NTM: variants seen among roughly 807,000 people sequenced by gnomAD.
NTM encodes neurotrimin, also known as IgLON family member 2.
Under a neutral mutation model 42.1 loss-of-function variants are expected in NTM, and 13 were observed. The observed-to-expected ratio is 0.31, with a 90% CI of 0.20 to 0.49. The LOEUF is 0.49. Ranked by LOEUF, NTM falls within the 20% of genes least tolerant of loss-of-function variation. NTM has a pLI of 0.99. For missense variants in NTM, 373 were observed against 452.8 expected (o/e 0.82, Z 1.60); for synonymous variants, 187 against 179.2 (o/e 1.04, Z -0.35).
chr11:132,302,565 G>A (rs186795577), intron 4 of NTM, among the ~76,000 whole-genome samples: 1 of 152,120 alleles, frequency 6.6e-6, no homozygotes, highest in Admixed American at 6.5e-5. Flanking sequence ...GTTGTTCTGG[G>A]TCTGTCAGCC....
chr11:131,463,258 C>T (rs1565527599), intron 1 of NTM, among the ~76,000 whole-genome samples: 1 of 152,230 alleles, frequency 6.6e-6, no homozygotes, highest in Non-Finnish European at 1.5e-5. Context: ...GCTCCTGGTG[C>T]TGCCTTAAAC....
In NTM at chr11:131,588,518, A is replaced by G. The variant is rs117690981; in HGVS notation, c.82+217630A>G. Reference sequence around the variant, plus strand: ...AATGGGGATATTTACCTTTTGCTATATTTTATAGATGCTGGATCTGGGTAG... The same window carrying G: ...AATGGGGATATTTACCTTTTGCTATGTTTTATAGATGCTGGATCTGGGTAG... On this transcript the variant is annotated intron_variant, in intron 1 of 8. Coordinates refer to ENST00000683400, the MANE Select transcript of NTM (RefSeq NM_001352005.2). 3.8e-3 allele frequency among the ~76,000 whole-genome samples: 573 copies of G among 152,348 alleles called. 4 individuals carry two copies. The highest frequency in any genetic ancestry group is 6.5e-3 in the Non-Finnish European group (440 of 68,036).
At chr11:131,375,794 C>CATGTATGTATGT (rs57537421) in intron 1 of NTM, among the ~76,000 whole-genome samples, 2 of 151,068 alleles carry the variant, frequency 1.3e-5, no homozygotes, top group Admixed American at 1.3e-4. Context: ...TTTTTTCTTT[C>CATGTATGTATGT]ATGTATGTAT....
intron 1 of NTM, among the ~76,000 whole-genome samples, chr11:131,580,218 G>A (rs1323801271): frequency 6.6e-6 from 1 of 152,170 alleles, no homozygotes; most frequent in East Asian, 1.9e-4. Flanking sequence ...TCCCCAATCA[G>A]TCATTTCTCT....
chr11:132,266,680 A>G (rs2093200813), intron 4 of NTM, among the ~76,000 whole-genome samples: 1 of 152,222 alleles, frequency 6.6e-6, no homozygotes, highest in Non-Finnish European at 1.5e-5. Flanking sequence ...AGAGAATCCA[A>G]GTGCCCTAGA....
intron 1 of NTM, among the ~76,000 whole-genome samples, chr11:131,379,741 T>C (rs1230098543): frequency 2.0e-5 from 3 of 152,186 alleles, no homozygotes; most frequent in Non-Finnish European, 4.4e-5. Context: ...AACTGTGATT[T>C]CCTCCCTTTC....
intron 3 of NTM, among the ~76,000 whole-genome samples, chr11:132,205,411 G>C (rs1319346010): frequency 6.6e-6 from 1 of 152,190 alleles, no homozygotes; most frequent in African/African-American, 2.4e-5. Context: ...TAAACCAAGA[G>C]TAGGGAAGTT....
At chr11:131,631,855 A>G (rs1306644934) in intron 1 of NTM, among the ~76,000 whole-genome samples, 6 of 152,340 alleles carry the variant, frequency 3.9e-5, no homozygotes, top group Non-Finnish European at 8.8e-5. Flanking sequence ...TCTGGTAAAC[A>G]CTGCTCTAAT....
chr11:131,773,074 A>G (rs1177798168), intron 1 of NTM, among the ~76,000 whole-genome samples: 1 of 152,238 alleles, frequency 6.6e-6, no homozygotes, highest in African/African-American at 2.4e-5. Flanking sequence ...TAGACTGAGT[A>G]TCTTATAAAT....
intron 1 of NTM, among the ~76,000 whole-genome samples, chr11:131,442,174 CAT>C (rs1299871366): frequency 6.6e-6 from 1 of 152,190 alleles, no homozygotes; most frequent in Non-Finnish European, 1.5e-5. Flanking sequence ...GAGATGATGA[CAT>C]GTGGCATGGG....
intron 1 of NTM, among the ~76,000 whole-genome samples, chr11:131,429,049 T>C (rs1948440233): frequency 6.6e-6 from 1 of 152,074 alleles, no homozygotes; most frequent in East Asian, 1.9e-4. Context: ...AGTGAGACTC[T>C]GACTCAAAAT....
At chr11:132,255,355 CT>C (rs1170173369) in intron 4 of NTM, among the ~76,000 whole-genome samples, 1 of 151,956 alleles carries the variant, frequency 6.6e-6, no homozygotes, top group Non-Finnish European at 1.5e-5. Flanking sequence ...TTGCAGACTG[CT>C]AAAAACGGCT....
intron 2 of NTM, among the ~76,000 whole-genome samples, chr11:132,009,003 A>C (rs2071468636): frequency 6.6e-6 from 1 of 152,042 alleles, no homozygotes; most frequent in African/African-American, 2.4e-5. Flanking sequence ...CACATCCTGA[A>C]AGAAAGGCAG....
intron 3 of NTM, among the ~76,000 whole-genome samples, chr11:132,171,440 C>T (rs916546062): frequency 1.3e-5 from 2 of 152,154 alleles, no homozygotes; most frequent in African/African-American, 4.8e-5. Context: ...ATGACGACAC[C>T]TTTTTGTTGT....
At chr11:131,511,587 AC>A (rs1591885674) in intron 1 of NTM, among the ~76,000 whole-genome samples, 1 of 151,706 alleles carries the variant, frequency 6.6e-6, no homozygotes, top group African/African-American at 2.4e-5. Context: ...CAAAACAGAA[AC>A]CCCGAGGTTA....
At chr11:132,220,135 C>T (rs1401874292) in intron 4 of NTM, among the ~76,000 whole-genome samples, 1 of 152,208 alleles carries the variant, frequency 6.6e-6, no homozygotes, top group Non-Finnish European at 1.5e-5. Context: ...GGCCAGCTTC[C>T]TGTTCAGAGT....
chr11:132,232,357 G>A (rs930508929), intron 4 of NTM, among the ~76,000 whole-genome samples: 1 of 152,084 alleles, frequency 6.6e-6, no homozygotes, highest in Non-Finnish European at 1.5e-5. Context: ...CTGATCTCCC[G>A]CATTCATGAA....
At chr11:132,195,708 A>C (rs2138353763) in intron 3 of NTM, among the ~76,000 whole-genome samples, 1 of 152,332 alleles carries the variant, frequency 6.6e-6, no homozygotes, top group Admixed American at 6.5e-5. Flanking sequence ...CAATGGGAAA[A>C]GGACTCCCTA....
At chr11:131,649,944 G>A (rs971341453) in intron 1 of NTM, among the ~76,000 whole-genome samples, 2 of 152,132 alleles carry the variant, frequency 1.3e-5, no homozygotes, top group African/African-American at 4.8e-5. Context: ...GTGGTGCCAG[G>A]GCAGTTGCTC....
Sources: gnomAD v4.1 joint callset for allele counts (sites outside exome capture counted in the v4.1 genomes callset) on GRCh38, gnomAD v4.1.1 for gene constraint, MANE v1.5 for transcripts, NCBI Gene and HGNC (gene_info 2026-07-23, HGNC 2026-07-21) for gene names.